RBM42: variants seen among roughly 807,000 people sequenced by gnomAD.
The protein encoded by RBM42 is RNA binding motif protein 42, also known as RNA-binding protein 42.
RBM42 carries 21 observed loss-of-function variants against 41.4 expected under a neutral mutation model. The ratio of observed to expected loss-of-function variants is 0.51; its 90% CI spans 0.36 to 0.73. The LOEUF (loss-of-function observed/expected upper bound fraction) is 0.73, where lower values mean the gene tolerates loss of function less well. Ranked by LOEUF, RBM42 falls within the 30% of genes least tolerant of loss-of-function variation. RBM42 has a pLI of 0.00. For missense variants in RBM42, 539 were observed against 680.4 expected, an observed-to-expected ratio of 0.79 and a Z score of 2.31; for synonymous variants, 272 against 271.2, an observed-to-expected ratio of 1.00 and a Z score of -0.03.
intron 1 of RBM42, 90 bp downstream of exon 1, chr19:35,629,371 C>A: frequency 2.7e-6 from 4 of 1,502,184 alleles, no homozygotes; most frequent in Non-Finnish European, 3.5e-6. Flanking sequence ...GCCGGAGATA[C>A]GGCTCTAACA....
chr19:35,632,851 A>G (rs1021904132), intron 4 of RBM42, 85 bp from the exon 5 acceptor site: 2 of 661,410 alleles, frequency 3.0e-6, no homozygotes, highest in Admixed American at 2.3e-5. Flanking sequence ...CTGAGAGTGC[A>G]CACACACACA....
Position 35,633,804 on chromosome 19 carries a change from G to T in RBM42, c.802G>T (p.Val268Leu), listed in dbSNP as rs778517576. 7 of 1,499,996 alleles carry T rather than the reference G, an allele frequency of 4.7e-6. No homozygotes were observed. The highest frequency in any genetic ancestry group is 4.3e-5 in the African/African-American group (3 of 70,038). The allele number at this position is 1,499,996 out of a possible 1,614,324, so 92.9% of individuals were successfully genotyped here. ...GGAGGAGGCTAGCGCGGCTGTGGCC[G>T]TGGGGGCAGGAGGTGCCCCAGCTGG... Reference protein sequence around the residue: ...GLEEASAAVAVGAGGAPAGPA... With the variant: ...GLEEASAAVALGAGGAPAGPA... The change falls in exon 7 of 10, where the codon GTG (valine) becomes TTG (leucine). Residue 268 changes from valine (V) to leucine (L), a missense_variant. Transcript: ENST00000262633.
In RBM42 at chr19:35,629,176, C is replaced by T. The variant is rs1240424813; in HGVS notation, c.23C>T (p.Pro8Leu). The T allele has an allele frequency of 2.6e-6, 4 of 1,525,672 alleles. No individual in the cohort carries two copies. The highest frequency in any genetic ancestry group is 1.2e-5 in the South Asian group (1 of 82,930). The allele number at this position is 1,525,672 out of a possible 1,614,324, so 94.5% of individuals were successfully genotyped here. A position where few individuals can be genotyped will look rare whatever the true frequency, so the allele number is the denominator to read the frequency against. Residue 8 changes from proline to leucine, a missense_variant, in exon 1 of 10, where the codon CCG (proline) becomes CTG (leucine). This residue lies in a region of RBM42 where 429 missense variants were observed against 488.9 expected (regional missense o/e 0.88). Coordinates refer to ENST00000262633, the MANE Select transcript of RBM42 (RefSeq NM_024321.5). ...GCGATGGCTGGGGCGGGGCCAGCCC[C>T]GGGACTCCCGGGTGCAGGAGGACCC... MAGAGPA[P>L]GLPGAGGPVV...
chr19:35,635,393 C>T (rs781357013), intron 8 of RBM42, among the ~76,000 whole-genome samples: 18 of 151,426 alleles, frequency 1.2e-4, no homozygotes, highest in Non-Finnish European at 2.7e-4. Flanking sequence ...TTAACTAATT[C>T]GGTATCTTCT....
At position 35,631,026 on chromosome 19, in the gene RBM42, TAGCC is replaced by T. The variant is rs1455910134; in HGVS notation, c.283-108_283-105del. On this transcript the variant is annotated intron_variant, in intron 2 of 9. Transcript: ENST00000262633. ...GTGGCATTTTAGCTAAGACCTGAGA[TAGCC>T]AGCCACATACAGAGCACAAAGCATG... 4.4e-6 allele frequency: 4 copies of T among 915,988 alleles called. No homozygotes were observed. The African/African-American group carries it at 6.6e-5, about 15-fold the overall frequency. 56.7% of individuals were successfully genotyped at this position (915,988 alleles called of 1,614,324 possible). A position where few individuals can be genotyped will look rare whatever the true frequency, so the allele number is the denominator to read the frequency against.
In RBM42 at chr19:35,633,057, C is replaced by T. The variant is rs1431266543; in HGVS notation, c.509-20C>T. On this transcript the variant is annotated intron_variant, in intron 5 of 9. Transcript: ENST00000262633. ...ATAACTCCCCCCAGGCCCTGGAACT[C>T]CCCACTAACACCCTGACAGATTCCG... The T allele has an allele frequency of 6.2e-7, 1 of 1,610,608 alleles. No homozygotes were observed. Among genetic ancestry groups the T allele is most frequent in the South Asian group, 1.1e-5 (1 of 90,986 alleles).
chr19:35,635,966 T>C (rs1489220157), intron 8 of RBM42, among the ~76,000 whole-genome samples: 8 of 152,120 alleles, frequency 5.3e-5, no homozygotes, highest in Non-Finnish European at 7.4e-5. Flanking sequence ...AACTTGTGCT[T>C]AGAGTGTCCC....
chr19:35,633,165 G>GC lies in RBM42; in HGVS notation c.602dup (p.Gly202TrpfsTer62). ...CCCTCGTGGGCCCCCCTCTGCCTGGGCCCCCTGGACCACCCATGATGCTGC... is the reference window on the plus strand; with the variant it reads ...CCCTCGTGGGCCCCCCTCTGCCTGGGCCCCCCTGGACCACCCATGATGCTGC... On this transcript the variant is annotated frameshift_variant, in exon 6 of 10. Transcript: ENST00000262633. LOFTEE classifies it high-confidence loss of function. The GC allele has an allele frequency of 6.2e-7, 1 of 1,605,708 alleles. No individual in the cohort carries two copies. The highest frequency in any genetic ancestry group is 2.2e-5 in the East Asian group (1 of 44,780).
chr19:35,630,680 C>T (rs908033460), intron 2 of RBM42, among the ~76,000 whole-genome samples: 1 of 152,162 alleles, frequency 6.6e-6, no homozygotes, highest in Non-Finnish European at 1.5e-5. Context: ...GCAGGAATAT[C>T]ACTTGAACCC....
chr19:35,635,292 G>A (rs1967476547), intron 8 of RBM42, among the ~76,000 whole-genome samples: 1 of 144,708 alleles, frequency 6.9e-6, no homozygotes, highest in Non-Finnish European at 1.5e-5. Flanking sequence ...CTCTAGCCTG[G>A]CAACAGAACA....
intron 2 of RBM42, among the ~76,000 whole-genome samples, chr19:35,629,928 T>C (rs1276451357): frequency 6.6e-6 from 1 of 152,190 alleles, no homozygotes; most frequent in Non-Finnish European, 1.5e-5. Flanking sequence ...AAATTTATAT[T>C]TAATAGTTCG....
In RBM42 at chr19:35,631,554, C is replaced by T. The variant is rs979368895; in HGVS notation, c.442+149C>T. ...CCTAAAGCACGAACCTGATCATGTCCTTTCTGATGATGTCAATTTTGTTTT... is the reference window on the plus strand; with the variant it reads ...CCTAAAGCACGAACCTGATCATGTCTTTTCTGATGATGTCAATTTTGTTTT... On this transcript the variant is annotated intron_variant, in intron 4 of 9. Coordinates refer to ENST00000262633, the MANE Select transcript of RBM42 (RefSeq NM_024321.5). 14 of 711,186 alleles carry T rather than the reference C, an allele frequency of 2.0e-5. No homozygotes were observed. In the Admixed American group the frequency reaches 3.2e-4, roughly 16 times the overall value. 44.1% of individuals were successfully genotyped at this position (711,186 alleles called of 1,614,324 possible).
At chr19:35,630,271 G>A (rs1366008693) in intron 2 of RBM42, among the ~76,000 whole-genome samples, 2 of 150,654 alleles carry the variant, frequency 1.3e-5, no homozygotes, top group Admixed American at 6.6e-5. Flanking sequence ...CTGAGATTGC[G>A]CCACTGCACT....
Position 35,637,230 on chromosome 19 carries a change from G to A in RBM42, c.1208G>A (p.Arg403His). The change falls in exon 9 of 10, where the codon CGC becomes CAC. Residue 403 changes from arginine (R) to histidine (H), a missense_variant. Transcript: ENST00000262633. This position sits in a 1 kb window ranked among gnomAD's most constrained non-coding sequence, Gnocchi z 7.0. ...NDDILARAFS[R>H]FPSFLKAKVI... ...GACATCTTGGCACGCGCCTTCAGCCGCTTCCCATCCTTCCTTAAGGCCAAG... is the reference window on the plus strand; with the variant it reads ...GACATCTTGGCACGCGCCTTCAGCCACTTCCCATCCTTCCTTAAGGCCAAG... The A allele has an allele frequency of 1.2e-6, 2 of 1,614,152 alleles. No individual in the cohort carries two copies. Among genetic ancestry groups the A allele is most frequent in the Admixed American group, 1.7e-5 (1 of 60,026 alleles).
chr19:35,633,590 C>T, intron 6 of RBM42, 97 bp from the exon 7 acceptor site: 1 of 1,228,560 alleles, frequency 8.1e-7, no homozygotes, highest in Non-Finnish European at 1.1e-6. Flanking sequence ...TGGCTGCTCT[C>T]TGGCCCCCAG....
chr19:35,631,161 C>G lies in RBM42; in HGVS notation c.304C>G (p.Arg102Gly), dbSNP rs1354434931. The change falls in exon 3 of 10, where the codon CGA becomes GGA. Residue 102 changes from arginine to glycine, a missense_variant. Arg to Gly is a moderately radical substitution (Grantham distance 125, BLOSUM62 -2). Transcript: ENST00000262633. ...YQQVQQTLEA[R>G]AAAAATVVPP... ...ACAGGTCCAGCAGACTCTGGAGGCC[C>G]GAGCAGCTGCTGCAGCCACAGTAGT... 1.2e-6 allele frequency: 2 copies of G among 1,614,144 alleles called. No homozygotes were observed. Among genetic ancestry groups the G allele is most frequent in the Non-Finnish European group, 8.5e-7 (1 of 1,180,022 alleles).
rs1182290517 is a variant in RBM42, at chr19:35,633,989, A to G, written c.987A>G (p.Pro329=). 2.6e-6 allele frequency: 4 copies of G among 1,531,608 alleles called. No individual in the cohort carries two copies. Among genetic ancestry groups the G allele is most frequent in the Non-Finnish European group, 2.6e-6 (3 of 1,144,360 alleles). The allele number at this position is 1,531,608 out of a possible 1,614,324, so 94.9% of individuals were successfully genotyped here. ...SLRPRPRPPR[P]EPPPGLMALE... is the part of the protein sequence containing the mutation. ...GTCCTCGGCCCCGGCCCCCTCGGCC[A>G]GAGCCACCCCCAGGCCTCATGGCTC... Residue 329 remains proline, a synonymous_variant, in exon 7 of 10, where the codon CCA becomes CCG. Coordinates refer to ENST00000262633, the MANE Select transcript of RBM42 (RefSeq NM_024321.5).
chr19:35,632,913 A>C lies in RBM42; in HGVS notation c.443-23A>C, dbSNP rs553311771. 18 of 1,093,338 alleles carry C rather than the reference A, an allele frequency of 1.6e-5. No individual in the cohort carries two copies. The African/African-American group carries it at 2.5e-4, about 15-fold the overall frequency. The allele number at this position is 1,093,338 out of a possible 1,614,324, so 67.7% of individuals were successfully genotyped here. A position where few individuals can be genotyped will look rare whatever the true frequency, so the allele number is the denominator to read the frequency against. ...AGTGCCCCTGTCCCCCATGACACAC[A>C]CCCCCATCTCTCTCTCCCACAGCTG... On this transcript the variant is annotated intron_variant, in intron 4 of 9. Coordinates refer to ENST00000262633, the MANE Select transcript of RBM42 (RefSeq NM_024321.5).
At position 35,637,407 on chromosome 19, in the gene RBM42, G is replaced by T. The variant is rs1270224026; in HGVS notation, c.1331-35G>T. 6.2e-7 allele frequency: 1 copy of T among 1,613,260 alleles called. No individual in the cohort carries two copies. The highest frequency in any genetic ancestry group is 1.1e-5 in the South Asian group (1 of 91,024). On this transcript the variant is annotated intron_variant, in intron 9 of 9. Coordinates refer to ENST00000262633, the MANE Select transcript of RBM42 (RefSeq NM_024321.5). This position sits in a 1 kb window ranked among gnomAD's most constrained non-coding sequence, Gnocchi z 7.0. ...GCGCGGCAGGCGCTGGCCTAAGCCT[G>T]ACCCGAGCCTGCCTTGAACCCTCTG...
Sources: allele counts gnomAD v4.1 joint callset (sites outside exome capture counted in the v4.1 genomes callset), GRCh38; gene constraint gnomAD v4.1.1; regional missense constraint gnomAD v4.1.1; non-coding constraint Gnocchi (gnomAD v3.1); transcripts MANE v1.5; gene names NCBI Gene and HGNC (gene_info 2026-07-23, HGNC 2026-07-21).